The following GPR160 variants were observed in gnomAD, a reference collection of about 807,000 sequenced individuals.
The protein encoded by GPR160 is probable G protein-coupled receptor 160.
Under a neutral mutation model 2.6 loss-of-function variants are expected in GPR160, and 2 were observed. The ratio of observed to expected loss-of-function variants is 0.77; its 90% confidence interval spans 0.32 to 2.44. GPR160 has a LOEUF of 2.44. GPR160 is among the 30% of genes most tolerant of loss of function. GPR160 has a pLI of 0.11. For missense variants in GPR160, 351 were observed against 383.6 expected, an observed-to-expected ratio of 0.91 and a Z score of 0.71; for synonymous variants, 130 against 132.2, an observed-to-expected ratio of 0.98 and a Z score of 0.12.
Position 170,079,057 on chromosome 3 carries a change from A to C in GPR160, c.-192-717A>C, listed in dbSNP as rs569241344. Among the ~76,000 whole-genome samples the C allele has an allele frequency of 6.6e-5, 10 of 152,328 alleles. No homozygotes were observed. In the South Asian group the frequency reaches 2.1e-3, roughly 32 times the overall value. On this transcript the variant is annotated intron_variant, in intron 2 of 3. Transcript: ENST00000355897. ...CGACCTTTGATCATCCGCATGCATTACTGCTCCCTGAAAGGGGGGACAGTA... is the reference window on the plus strand; with the variant it reads ...CGACCTTTGATCATCCGCATGCATTCCTGCTCCCTGAAAGGGGGGACAGTA...
intron 2 of GPR160, among the ~76,000 whole-genome samples, chr3:170,053,405 C>T (rs563621025): frequency 2.0e-5 from 3 of 152,074 alleles, no homozygotes; most frequent in African/African-American, 7.2e-5. Context: ...TATTTTCCTT[C>T]ATTTTTGAAT....
chr3:170,068,003 G>A (rs192778550), intron 2 of GPR160, among the ~76,000 whole-genome samples: 2 of 152,138 alleles, frequency 1.3e-5, no homozygotes, highest in African/African-American at 4.8e-5. Context: ...CAAAATGTCT[G>A]GTTGTCTCTC....
chr3:170,061,300 AAC>A (rs1227784453), intron 2 of GPR160, among the ~76,000 whole-genome samples: 1 of 151,662 alleles, frequency 6.6e-6, no homozygotes, highest in African/African-American at 2.4e-5. Flanking sequence ...AAAGATAAAA[AAC>A]AACAACAACA....
chr3:170,051,506 C>G (rs1224833447), intron 2 of GPR160, among the ~76,000 whole-genome samples: 3 of 152,160 alleles, frequency 2.0e-5, no homozygotes, highest in African/African-American at 7.2e-5. Context: ...CAGCAGATCA[C>G]CTGAGATCAG....
At position 170,038,681 on chromosome 3, in the gene GPR160, T is replaced by C. The variant is rs1406190973; in HGVS notation, c.-321-234T>C. ...GCGCGCGCGCGCGTGCGTGCATTCA[T>C]TGGGGCCGACTTTGCCTCCCCTCCC... On this transcript the variant is annotated intron_variant, in intron 1 of 3. Transcript: ENST00000355897. The surrounding 1 kb of genome is among the most constrained non-coding windows in gnomAD (Gnocchi z 5.3). 4.6e-5 allele frequency: 7 copies of C among 152,006 alleles called. No individual in the cohort carries two copies. The highest frequency in any genetic ancestry group is 2.0e-4 in the East Asian group (1 of 5,096). The allele number at this position is 152,006 out of a possible 1,614,324, so 9.4% of individuals were successfully genotyped here. A position where few individuals can be genotyped will look rare whatever the true frequency, so the allele number is the denominator to read the frequency against.
chr3:170,076,759 G>A (rs570346897), intron 2 of GPR160, among the ~76,000 whole-genome samples: 1 of 152,260 alleles, frequency 6.6e-6, no homozygotes, highest in African/African-American at 2.4e-5. Context: ...GACCAGGCTG[G>A]TCTTGAACTC....
At chr3:170,052,272 T>TACTAGATA (rs1716990869) in intron 2 of GPR160, among the ~76,000 whole-genome samples, 3 of 152,360 alleles carry the variant, frequency 2.0e-5, no homozygotes, top group Middle Eastern at 3.4e-3. Context: ...GTAGAAGTAC[T>TACTAGATA]GGATCATAGG....
intron 2 of GPR160, among the ~76,000 whole-genome samples, chr3:170,054,425 T>A (rs1711533393): frequency 6.6e-6 from 1 of 152,176 alleles, no homozygotes; most frequent in African/African-American, 2.4e-5. Flanking sequence ...TCTGGCAGAA[T>A]AGAAGGACTG....
In GPR160 at chr3:170,085,306, T is replaced by G. The variant is rs1713380414; in HGVS notation, c.*317T>G. The G allele has an allele frequency of 5.4e-6, 1 of 183,812 alleles. No individual in the cohort carries two copies. The highest frequency in any genetic ancestry group is 2.0e-4 in the South Asian group (1 of 4,990). The allele number at this position is 183,812 out of a possible 1,614,324, so 11.4% of individuals were successfully genotyped here. A position where few individuals can be genotyped will look rare whatever the true frequency, so the allele number is the denominator to read the frequency against. ...TGTGTTACTCAAAAAAACTACTGGA[T>G]GCAAACTGTTATGTAAATCTGAGAT... On this transcript the variant is annotated 3_prime_UTR_variant, in exon 4 of 4. Transcript: ENST00000355897.
intron 2 of GPR160, among the ~76,000 whole-genome samples, chr3:170,040,366 G>A (rs1269924260): frequency 6.6e-6 from 1 of 152,140 alleles, no homozygotes; most frequent in Admixed American, 6.5e-5. Flanking sequence ...TTCCGCAGAC[G>A]CTCGTTCTTT....
chr3:170,044,926 T>C (rs1250140227), intron 2 of GPR160, among the ~76,000 whole-genome samples: 1 of 152,190 alleles, frequency 6.6e-6, no homozygotes, highest in Non-Finnish European at 1.5e-5. Flanking sequence ...GTTTCTGTGA[T>C]GCAAGTCCAA....
rs527453649 is a variant in GPR160 at position 170,076,693 on chromosome 3, G to A, written c.-192-3081G>A. On this transcript the variant is annotated intron_variant, in intron 2 of 3. Coordinates refer to ENST00000355897, the MANE Select transcript of GPR160 (RefSeq NM_014373.3). ...TGAGTAGCTGGGATTACAGGCGCCC[G>A]CCACCACGCCTGGCTAATTTTTGTA... 2.7e-4 allele frequency among the ~76,000 whole-genome samples: 41 copies of A among 152,048 alleles called. No homozygotes were observed. The East Asian group carries it at 4.8e-3, about 18-fold the overall frequency.
At chr3:170,066,492 C>T (rs960508633) in intron 2 of GPR160, among the ~76,000 whole-genome samples, 2 of 152,084 alleles carry the variant, frequency 1.3e-5, no homozygotes, top group South Asian at 4.1e-4. Context: ...TATTCTGTGT[C>T]TTGCTTTTCC....
At position 170,065,267 on chromosome 3, in the gene GPR160, T is replaced by TC. The variant is rs1559988291; in HGVS notation, c.-192-14506dup. Reference sequence around the variant, plus strand: ...TTTCAGTTATCTGTCTGCTTTTTTTTCTATATACTTATCGCTAATTCAACC... The same window carrying TC: ...TTTCAGTTATCTGTCTGCTTTTTTTTCCTATATACTTATCGCTAATTCAACC... On this transcript the variant is annotated intron_variant, in intron 2 of 3. Transcript: ENST00000355897. Among the ~76,000 whole-genome samples, 4 of 152,356 alleles carry TC rather than the reference T, an allele frequency of 2.6e-5. No individual in the cohort carries two copies. In the South Asian group the frequency reaches 8.3e-4, roughly 32 times the overall value.
intron 2 of GPR160, among the ~76,000 whole-genome samples, chr3:170,078,333 C>G (rs761630371): frequency 2.0e-5 from 3 of 152,138 alleles, no homozygotes; most frequent in African/African-American, 4.8e-5. Context: ...CCCACCGTTA[C>G]CGGGTAAAGG....
intron 2 of GPR160, among the ~76,000 whole-genome samples, chr3:170,044,009 GTC>G (rs1457408676): frequency 6.7e-6 from 1 of 149,162 alleles, no homozygotes; most frequent in African/African-American, 2.5e-5. Flanking sequence ...CTATGTATGT[GTC>G]TCTACCCCAA....
At chr3:170,080,566 T>G (rs974219463) in intron 3 of GPR160, among the ~76,000 whole-genome samples, 1 of 152,186 alleles carries the variant, frequency 6.6e-6, no homozygotes, top group African/African-American at 2.4e-5. Flanking sequence ...TCTGTGGACC[T>G]TCCTCATCCC....
intron 2 of GPR160, among the ~76,000 whole-genome samples, chr3:170,078,815 C>CA (rs936826196): frequency 6.6e-6 from 1 of 150,840 alleles, no homozygotes; most frequent in African/African-American, 2.4e-5. Context: ...AAACCTGATG[C>CA]AAAAAAAAGG....
At chr3:170,058,000 TAGC>T (rs755245527) in intron 2 of GPR160, 4 of 152,234 alleles carry the variant, frequency 2.6e-5, no homozygotes, top group Admixed American at 2.0e-4. Flanking sequence ...AAAGTGAAAT[TAGC>T]AGTTGGAATT....
Sources: allele counts gnomAD v4.1 joint callset (sites outside exome capture counted in the v4.1 genomes callset), GRCh38; gene constraint gnomAD v4.1.1; non-coding constraint Gnocchi (gnomAD v3.1); transcripts MANE v1.5; gene names NCBI Gene and HGNC (gene_info 2026-07-23, HGNC 2026-07-21).